DAAM2: variants seen among roughly 807,000 people sequenced by gnomAD.
DAAM2 encodes disheveled-associated activator of morphogenesis 2.
A neutral mutation model predicts 120.7 loss-of-function variants in DAAM2; 39 were observed. The observed-to-expected ratio is 0.32, with a 90% CI of 0.25 to 0.42. The LOEUF is 0.42. DAAM2 is among the 10% of genes least tolerant of loss of function. The pLI is 1.00. For synonymous variants in DAAM2, 488 were observed against 524.9 expected (o/e 0.93, Z 0.96); for missense variants, 1,283 against 1,401.7 (o/e 0.92, Z 1.35).
intron 1 of DAAM2, among the ~76,000 whole-genome samples, chr6:39,838,052 T>C (rs879851154): frequency 2.0e-5 from 3 of 152,196 alleles, no homozygotes; most frequent in Non-Finnish European, 2.9e-5. Context: ...ACACGGATGC[T>C]TCTGGTAGGG....
intron 1 of DAAM2, among the ~76,000 whole-genome samples, chr6:39,815,290 A>C (rs1279777563): frequency 6.6e-6 from 1 of 152,182 alleles, no homozygotes; most frequent in Non-Finnish European, 1.5e-5. Flanking sequence ...TGAATTCGTT[A>C]AGATTATTAA....
chr6:39,887,709 T>C, intron 16 of DAAM2, 117 bp downstream of exon 16: 1 of 682,176 alleles, frequency 1.5e-6, no homozygotes, highest in Admixed American at 2.3e-5. Context: ...GGGGCAGGCA[T>C]TGATCTGGAA....
intron 21 of DAAM2, among the ~76,000 whole-genome samples, chr6:39,898,546 C>T (rs770309506): frequency 6.6e-6 from 1 of 152,132 alleles, no homozygotes; most frequent in Non-Finnish European, 1.5e-5. Flanking sequence ...ACATAAAGAG[C>T]TTATAAGCAT....
intron 1 of DAAM2, among the ~76,000 whole-genome samples, chr6:39,800,123 G>A (rs1222028947): frequency 6.6e-6 from 1 of 152,170 alleles, no homozygotes; most frequent in African/African-American, 2.4e-5. Context: ...TGGTCATTTT[G>A]TCATCAGTCA....
intron 1 of DAAM2, among the ~76,000 whole-genome samples, chr6:39,828,755 G>A (rs1045251484): frequency 6.6e-5 from 10 of 151,862 alleles, no homozygotes; most frequent in Admixed American, 5.2e-4. Context: ...TAGAGACGGG[G>A]TTTCACCATG....
chr6:39,903,788 C>T lies in DAAM2; in HGVS notation c.*1751C>T, dbSNP rs539739358. On this transcript the variant is annotated 3_prime_UTR_variant, in exon 25 of 25. Coordinates refer to ENST00000274867, the MANE Select transcript of DAAM2 (RefSeq NM_001201427.2). ...ACAGGGTCGGTGAGCCCAGCATGTG[C>T]GTTGGTTTGAGGGGGCGGGCGGTGT... The T allele has an allele frequency of 2.7e-5, 5 of 188,658 alleles. No homozygotes were observed. Among genetic ancestry groups the T allele is most frequent in the South Asian group, 2.3e-4 (2 of 8,660 alleles). 11.7% of individuals were successfully genotyped at this position (188,658 alleles called of 1,614,324 possible).
chr6:39,871,603 A>G (rs552992471), intron 9 of DAAM2, 31 bp downstream of exon 9: 182 of 1,541,718 alleles, frequency 1.2e-4, no homozygotes, highest in Non-Finnish European at 1.5e-4. Context: ...AGCGATTGCA[A>G]TGGGGTAGTA....
chr6:39,846,226 A>G (rs1254784246), intron 1 of DAAM2, among the ~76,000 whole-genome samples: 1 of 152,182 alleles, frequency 6.6e-6, no homozygotes. Context: ...CCCCAAGAGC[A>G]GTGCCGGGCA....
intron 10 of DAAM2, 58 bp from the exon 11 acceptor site, chr6:39,875,272 G>A (rs1764823470): frequency 1.9e-6 from 3 of 1,574,906 alleles, no homozygotes; most frequent in Admixed American, 3.5e-5. Context: ...CAACTCTAGG[G>A]TGGGGCCCAA....
At position 39,867,500 on chromosome 6, in the gene DAAM2, T is replaced by C. The variant is rs73734938; in HGVS notation, c.429-10T>C. Reference sequence around the variant, plus strand: ...GCAAATATATGTTTGTTAATGGCTCTGATTTGTAGGTTTGTGACCCGCTTC... The same window carrying C: ...GCAAATATATGTTTGTTAATGGCTCCGATTTGTAGGTTTGTGACCCGCTTC... On this transcript the variant is annotated splice_polypyrimidine_tract_variant and intron_variant, in intron 5 of 24. Transcript: ENST00000274867. 3.9e-3 allele frequency: 6,302 copies of C among 1,612,252 alleles called. 215 individuals are homozygous for C. In the African/African-American group the frequency reaches 0.073, roughly 19 times the overall value.
intron 16 of DAAM2, 73 bp downstream of exon 16, chr6:39,887,665 T>A: frequency 1.0e-6 from 1 of 975,562 alleles, no homozygotes; most frequent in Non-Finnish European, 1.6e-6. Flanking sequence ...GTGGTGGCAG[T>A]CTCGGGCCTC....
chr6:39,796,186 T>C (rs556209164), intron 1 of DAAM2, among the ~76,000 whole-genome samples: 8 of 152,306 alleles, frequency 5.3e-5, no homozygotes, highest in African/African-American at 1.9e-4. Flanking sequence ...AAGGAACATC[T>C]GATGTTAGAG....
At chr6:39,867,420 A>G (rs1176440411) in intron 5 of DAAM2, 90 bp from the exon 6 acceptor site, 5 of 1,262,668 alleles carry the variant, frequency 4.0e-6, no homozygotes, top group African/African-American at 2.9e-5. Flanking sequence ...GACAAGGTGC[A>G]TGGTGGTACA....
intron 1 of DAAM2, chr6:39,821,743 G>C (rs1300320927): frequency 6.6e-6 from 1 of 152,290 alleles, no homozygotes; most frequent in Admixed American, 6.5e-5. Context: ...TGAAGATCCG[G>C]GAGGGGCAGA....
intron 14 of DAAM2, chr6:39,879,881 T>C: frequency 3.4e-6 from 1 of 295,658 alleles, no homozygotes; most frequent in Non-Finnish European, 6.5e-6. Flanking sequence ...TACAAAGGAC[T>C]AAAGAGTTTG....
intron 1 of DAAM2, among the ~76,000 whole-genome samples, chr6:39,816,205 G>A (rs889470551): frequency 1.3e-5 from 2 of 152,188 alleles, no homozygotes; most frequent in Non-Finnish European, 2.9e-5. Context: ...CCAAGGCTGC[G>A]CATTTCTAAC....
At chr6:39,846,994 C>T (rs1763620936) in intron 1 of DAAM2, among the ~76,000 whole-genome samples, 1 of 152,210 alleles carries the variant, frequency 6.6e-6, no homozygotes, top group Non-Finnish European at 1.5e-5. Context: ...GTTACTGCCC[C>T]ATCCCAGTCT....
At chr6:39,852,072 A>T (rs1269057996) in intron 1 of DAAM2, among the ~76,000 whole-genome samples, 2 of 152,204 alleles carry the variant, frequency 1.3e-5, no homozygotes, top group African/African-American at 2.4e-5. Context: ...TTGTCCCCAC[A>T]GGAAGAGGGG....
chr6:39,816,449 C>T (rs1319054326), intron 1 of DAAM2, among the ~76,000 whole-genome samples: 1 of 152,156 alleles, frequency 6.6e-6, no homozygotes, highest in Non-Finnish European at 1.5e-5. Context: ...GGCTTATTAA[C>T]ACCCCGAGCC....
Sources: gnomAD v4.1 joint callset for allele counts (sites outside exome capture counted in the v4.1 genomes callset) on GRCh38, gnomAD v4.1.1 for gene constraint, MANE v1.5 for transcripts, NCBI Gene and HGNC (gene_info 2026-07-23, HGNC 2026-07-21) for gene names.